Variants in HSD17B4 observed in about 807,000 individuals in gnomAD.
HSD17B4 encodes peroxisomal multifunctional enzyme type 2.
A neutral mutation model predicts 101.0 loss-of-function variants in HSD17B4; 70 were observed. The observed-to-expected ratio is 0.69, with a 90% CI of 0.57 to 0.85. The LOEUF is 0.85. Ranked by LOEUF, HSD17B4 falls within the 40% of genes least tolerant of loss-of-function variation. HSD17B4 has a pLI of 0.00. For synonymous variants in HSD17B4, 347 were observed against 297.1 expected (o/e 1.17, Z -1.73); for missense variants, 984 against 892.4 (o/e 1.10, Z -1.31).
In HSD17B4 at chr5:119,488,245, T is replaced by C. The variant is rs1050868257; in HGVS notation, c.623-947T>C. Among the ~76,000 whole-genome samples the C allele has an allele frequency of 4.6e-5, 7 of 152,176 alleles. No individual in the cohort carries two copies. In the South Asian group the frequency reaches 1.5e-3, roughly 32 times the overall value. On this transcript the variant is annotated intron_variant, in intron 8 of 23. Transcript: ENST00000510025. ...AGGGAAGTTGAATGATGGGCTCAGG[T>C]TCCTAAGTTGCTTGCATAGCAGGTT...
chr5:119,516,890 A>C (rs1752656197), intron 17 of HSD17B4, among the ~76,000 whole-genome samples: 2 of 152,238 alleles, frequency 1.3e-5, no homozygotes, highest in Admixed American at 1.3e-4. Context: ...ACAGTCAGAG[A>C]AGGGATACTT....
At chr5:119,527,660 CG>C (rs1047086782) in intron 20 of HSD17B4, among the ~76,000 whole-genome samples, 1 of 150,984 alleles carries the variant, frequency 6.6e-6, no homozygotes, top group Non-Finnish European at 1.5e-5. Flanking sequence ...AAAACATGTT[CG>C]AAAAAAAATT....
intron 2 of HSD17B4, chr5:119,464,640 T>G (rs1394787748): frequency 6.6e-6 from 1 of 152,216 alleles, no homozygotes; most frequent in African/African-American, 2.4e-5. Flanking sequence ...TCGCCCAGGT[T>G]GGAGTGCAAT....
rs2126684335 is a variant in HSD17B4 at position 119,474,423 on chromosome 5, G to A, written c.243G>A (p.Lys81=). The A allele has an allele frequency of 3.7e-6, 6 of 1,611,046 alleles. No homozygotes were observed. Among genetic ancestry groups the A allele is most frequent in the Non-Finnish European group, 5.1e-6 (6 of 1,177,318 alleles). The change falls in exon 4 of 24, where the codon AAG becomes AAA. Residue 81 remains lysine (K), a synonymous_variant. Coordinates refer to ENST00000510025, the MANE Select transcript of HSD17B4 (RefSeq NM_000414.4). The stretch of plus-strand genomic sequence containing the variant: ...CAGATTCAGTGGAAGAAGGAGAGAA[G>A]GTTGTGAAGACAGCCCTGGATGCTT... ...ANYDSVEEGE[K]VVKTALDAFG...
chr5:119,499,651 ATATATT>A, intron 13 of HSD17B4, 98 bp downstream of exon 13: 1 of 582,680 alleles, frequency 1.7e-6, no homozygotes, highest in Non-Finnish European at 3.0e-6. Flanking sequence ...GTGTGTGTAT[ATATATT>A]TATATAATTA....
At chr5:119,467,831 A>T (rs1483406015) in intron 2 of HSD17B4, among the ~76,000 whole-genome samples, 2 of 152,184 alleles carry the variant, frequency 1.3e-5, no homozygotes, top group East Asian at 3.8e-4. Context: ...CCTTGTATAT[A>T]CTGAGTTATG....
intron 23 of HSD17B4, among the ~76,000 whole-genome samples, chr5:119,538,557 C>T (rs1392598179): frequency 1.3e-5 from 2 of 152,176 alleles, no homozygotes; most frequent in South Asian, 2.1e-4. Flanking sequence ...TTTCCTTTTG[C>T]ACGTGTATAA....
chr5:119,512,774 G>A (rs1752292241), intron 16 of HSD17B4, among the ~76,000 whole-genome samples: 1 of 152,152 alleles, frequency 6.6e-6, no homozygotes, highest in East Asian at 1.9e-4. Flanking sequence ...CCCAGGTTAG[G>A]CAAATCTGTA....
intron 8 of HSD17B4, among the ~76,000 whole-genome samples, chr5:119,481,885 A>T (rs1319245890): frequency 6.6e-6 from 1 of 152,140 alleles, no homozygotes; most frequent in African/African-American, 2.4e-5. Flanking sequence ...CATAATTCTT[A>T]TCCTTATTCC....
intron 7 of HSD17B4, among the ~76,000 whole-genome samples, chr5:119,478,629 T>A (rs1748822215): frequency 2.0e-5 from 3 of 152,190 alleles, no homozygotes; most frequent in African/African-American, 7.2e-5. Flanking sequence ...GAGAATCTTT[T>A]TAAAACAGTT....
At chr5:119,501,920 T>C in intron 13 of HSD17B4, 121 bp from the exon 14 acceptor site, 1 of 692,148 alleles carries the variant, frequency 1.4e-6, no homozygotes, top group South Asian at 1.7e-5. Context: ...CAGAGATAGA[T>C]AACTTGGAGA....
intron 12 of HSD17B4, among the ~76,000 whole-genome samples, chr5:119,498,722 A>T (rs901421755): frequency 1.3e-5 from 2 of 151,688 alleles, no homozygotes; most frequent in African/African-American, 2.4e-5. Flanking sequence ...CTGAAAATAT[A>T]AAAAAAAATT....
chr5:119,470,690 T>TC (rs907622013), intron 2 of HSD17B4, among the ~76,000 whole-genome samples: 1 of 152,136 alleles, frequency 6.6e-6, no homozygotes, highest in African/African-American at 2.4e-5. Context: ...TTTTGTCACT[T>TC]CCTTGCTGAA....
chr5:119,510,245 A>G (rs1014849666), intron 16 of HSD17B4, among the ~76,000 whole-genome samples: 2 of 152,194 alleles, frequency 1.3e-5, no homozygotes. Flanking sequence ...TTCTTGTACA[A>G]TCTTTGCAGA....
At chr5:119,517,119 GGGAACCGGGGCTGCGCGCGGCGCTCGCA>G (rs1424504634) in intron 17 of HSD17B4, among the ~76,000 whole-genome samples, 16 of 152,220 alleles carry the variant, frequency 1.1e-4, no homozygotes, top group African/African-American at 3.1e-4. Context: ...AGGCGCTAGC[GGGAACCGGGGCTGCGCGCGGCGCTCGCA>G]GGCCAGCTTG....
chr5:119,501,601 T>C (rs542499822), intron 13 of HSD17B4, among the ~76,000 whole-genome samples: 4 of 152,294 alleles, frequency 2.6e-5, no homozygotes, highest in African/African-American at 7.2e-5. Context: ...TGTAAGGTTT[T>C]TCTTTGTGTT....
At chr5:119,504,555 T>C (rs1561468091) in intron 14 of HSD17B4, among the ~76,000 whole-genome samples, 1 of 152,216 alleles carries the variant, frequency 6.6e-6, no homozygotes, top group African/African-American at 2.4e-5. Context: ...ATTTTTTTTA[T>C]GTTTGTTGGC....
chr5:119,537,432 G>A (rs1036812211), intron 23 of HSD17B4, among the ~76,000 whole-genome samples: 1 of 152,088 alleles, frequency 6.6e-6, no homozygotes, highest in African/African-American at 2.4e-5. Flanking sequence ...CCAATAATAT[G>A]TATGAAGAGC....
intron 15 of HSD17B4, among the ~76,000 whole-genome samples, chr5:119,508,151 C>G (rs1751831338): frequency 6.6e-6 from 1 of 151,620 alleles, no homozygotes; most frequent in Non-Finnish European, 1.5e-5. Flanking sequence ...ACTTGTCATT[C>G]CAGATGTTGG....
Sources: allele counts gnomAD v4.1 joint callset (sites outside exome capture counted in the v4.1 genomes callset), GRCh38; gene constraint gnomAD v4.1.1; transcripts MANE v1.5; gene names NCBI Gene and HGNC (gene_info 2026-07-23, HGNC 2026-07-21).